CEP63: variants seen among roughly 807,000 people sequenced by gnomAD.
CEP63 encodes centrosomal protein 63.
In CEP63, 84 loss-of-function variants were observed where a neutral mutation model predicts 89.1. That is an observed-to-expected ratio of 0.94 (90% confidence interval 0.79 to 1.13). The LOEUF (loss-of-function observed/expected upper bound fraction) is 1.13, where lower values mean the gene tolerates loss of function less well. Among genes scored for constraint, CEP63 ranks in the 50% most tolerant of loss-of-function variants. The probability of loss-of-function intolerance (pLI) is 0.00; values close to 1 mark genes in which losing one functional copy is unlikely to be tolerated. For synonymous variants in CEP63, 267 were observed against 272.5 expected (o/e 0.98, Z 0.20); for missense variants, 838 against 813.3 (o/e 1.03, Z -0.37).
the CEP63 span, among the ~76,000 whole-genome samples, chr3:134,745,986 A>T: frequency 6.6e-6 from 1 of 151,032 alleles, no homozygotes; most frequent in South Asian, 2.1e-4. Flanking sequence ...TTACATATGT[A>T]TACATGTGCC....
chr3:134,663,963 G>A, the CEP63 span, among the ~76,000 whole-genome samples: 2 of 152,218 alleles, frequency 1.3e-5, no homozygotes, highest in African/African-American at 4.8e-5. Flanking sequence ...GGTGGGGACA[G>A]GGAAGAGCAG....
chr3:134,556,389 C>T (rs1956180051), intron 12 of CEP63, among the ~76,000 whole-genome samples: 1 of 151,734 alleles, frequency 6.6e-6, no homozygotes, highest in East Asian at 1.9e-4. Flanking sequence ...AAAGCGCAAA[C>T]CCACGAGGTT....
intron 2 of CEP63, among the ~76,000 whole-genome samples, chr3:134,502,596 G>C (rs935282588): frequency 6.6e-6 from 1 of 152,046 alleles, no homozygotes; most frequent in Non-Finnish European, 1.5e-5. Flanking sequence ...AGATTTTCTA[G>C]CCTGTGTGCA....
downstream of CEP63, among the ~76,000 whole-genome samples, chr3:134,588,905 G>C (rs150510783): frequency 0.014 from 2,149 of 152,260 alleles, 12 homozygotes; most frequent in Non-Finnish European, 0.024. Flanking sequence ...AGATCTTACA[G>C]ACAGTAACAA....
chr3:134,706,711 T>A, the CEP63 span, among the ~76,000 whole-genome samples: 84 of 152,352 alleles, frequency 5.5e-4, no homozygotes, highest in Admixed American at 2.2e-3. Flanking sequence ...CTCACAGTTC[T>A]GTAGGTTAGA....
the CEP63 span, among the ~76,000 whole-genome samples, chr3:134,738,049 G>A: frequency 2.6e-4 from 40 of 152,208 alleles, no homozygotes; most frequent in African/African-American, 8.9e-4. Flanking sequence ...TTGCCTGGAG[G>A]CCACCAAAGT....
At chr3:134,674,396 A>C in the CEP63 span, among the ~76,000 whole-genome samples, 4 of 152,252 alleles carry the variant, frequency 2.6e-5, no homozygotes, top group Non-Finnish European at 1.5e-5. Flanking sequence ...ACATTATTTC[A>C]TATTAAAAAC....
chr3:134,758,559 C>T, the CEP63 span, among the ~76,000 whole-genome samples: 1 of 152,124 alleles, frequency 6.6e-6, no homozygotes. Flanking sequence ...TAAGTAAGGC[C>T]TAAGGAGTGA....
At chr3:134,666,841 C>T in the CEP63 span, among the ~76,000 whole-genome samples, 1 of 152,220 alleles carries the variant, frequency 6.6e-6, no homozygotes, top group Admixed American at 6.5e-5. Flanking sequence ...ATTGATGCCA[C>T]CTTAGGGATG....
chr3:134,558,860 T>G (rs894018105), intron 13 of CEP63, among the ~76,000 whole-genome samples: 2 of 152,216 alleles, frequency 1.3e-5, no homozygotes, highest in African/African-American at 2.4e-5. Flanking sequence ...TGCCTTCTTA[T>G]GTGCACAGCA....
Position 134,537,215 on chromosome 3 carries a change from T to A in CEP63, c.502T>A (p.Ser168Thr). Reference sequence around the variant, plus strand: ...ACGCTTGATTTATCAGCAACAGGTATCTTCACTGGAGGCACAAAGGAAGGC... The same window carrying A: ...ACGCTTGATTTATCAGCAACAGGTAACTTCACTGGAGGCACAAAGGAAGGC... ...KQRLIYQQQV[S>T]SLEAQRKALA... The change falls in exon 6 of 15, where the codon TCT becomes ACT. Residue 168 changes from serine to threonine, a missense_variant. Physicochemically the swap from Ser to Thr is moderately conservative, Grantham distance 58. Coordinates refer to ENST00000675561, the MANE Select transcript of CEP63 (RefSeq NM_001353108.3). The A allele has an allele frequency of 6.2e-7, 1 of 1,614,002 alleles. No homozygotes were observed. The highest frequency in any genetic ancestry group is 8.5e-7 in the Non-Finnish European group (1 of 1,179,882).
At chr3:134,621,305 C>T in the CEP63 span, among the ~76,000 whole-genome samples, 1 of 152,122 alleles carries the variant, frequency 6.6e-6, no homozygotes, top group East Asian at 1.9e-4. Flanking sequence ...ACACAAGTTC[C>T]CCATTTTCAA....
intron 10 of CEP63, among the ~76,000 whole-genome samples, chr3:134,584,956 G>GTTTTTTTTTT (rs780691730): frequency 5.6e-4 from 20 of 36,026 alleles, no homozygotes; most frequent in East Asian, 1.4e-3. Context: ...ATTTTCTAGG[G>GTTTTTTTTTT]TTTTTTTTTT....
At chr3:134,697,503 G>A in the CEP63 span, among the ~76,000 whole-genome samples, 1 of 152,178 alleles carries the variant, frequency 6.6e-6, no homozygotes, top group Non-Finnish European at 1.5e-5. Flanking sequence ...TTAGAAAGAG[G>A]TATGGGGAGA....
At chr3:134,629,467 G>A in the CEP63 span, 3 of 611,992 alleles carry the variant, frequency 4.9e-6, no homozygotes, top group Admixed American at 8.2e-5. Context: ...AGTCTCCCAG[G>A]ATAAAGCTGT....
the CEP63 span, among the ~76,000 whole-genome samples, chr3:134,708,169 A>T: frequency 6.6e-6 from 1 of 152,252 alleles, no homozygotes; most frequent in Non-Finnish European, 1.5e-5. Flanking sequence ...CTCTGGCCAC[A>T]GTCCTTCTCA....
intron 3 of CEP63, among the ~76,000 whole-genome samples, chr3:134,524,357 C>T (rs1948183046): frequency 6.6e-6 from 1 of 152,162 alleles, no homozygotes; most frequent in Admixed American, 6.5e-5. Context: ...TTCCTCTCTT[C>T]CTATTTGGAT....
intron 3 of CEP63, among the ~76,000 whole-genome samples, chr3:134,517,360 A>G (rs1406342132): frequency 6.6e-6 from 1 of 152,216 alleles, no homozygotes; most frequent in African/African-American, 2.4e-5. Flanking sequence ...CTAGGAAAAA[A>G]CAGATGAAGC....
At chr3:134,769,791 A>G in the CEP63 span, among the ~76,000 whole-genome samples, 1 of 152,212 alleles carries the variant, frequency 6.6e-6, no homozygotes, top group African/African-American at 2.4e-5. Context: ...TCTAAGCCCT[A>G]TTCTGATATC....
Sources: allele counts gnomAD v4.1 joint callset (sites outside exome capture counted in the v4.1 genomes callset), GRCh38; gene constraint gnomAD v4.1.1; transcripts MANE v1.5; gene names NCBI Gene and HGNC (gene_info 2026-07-23, HGNC 2026-07-21).